The following CPXM2 variants were observed in gnomAD, a reference collection of about 807,000 sequenced individuals.
The protein encoded by CPXM2 is inactive carboxypeptidase-like protein X2.
A neutral mutation model predicts 86.1 loss-of-function variants in CPXM2; 66 were observed. That is an observed-to-expected ratio of 0.77 (90% CI 0.63 to 0.94). The LOEUF is 0.94. Among genes scored for constraint, CPXM2 ranks in the 40% least tolerant of loss-of-function variants. The pLI, the probability that CPXM2 is intolerant of heterozygous loss-of-function variation, is 0.00. For synonymous variants in CPXM2, 388 were observed against 400.2 expected (o/e 0.97, Z 0.36); for missense variants, 948 against 1,026.3 (o/e 0.92, Z 1.04).
chr10:123,790,595 G>A (rs1179524522), intron 6 of CPXM2, among the ~76,000 whole-genome samples: 1 of 152,168 alleles, frequency 6.6e-6, no homozygotes. Flanking sequence ...ACAGTAAGGG[G>A]AAGCTGCCTT....
chr10:123,843,427 G>A (rs6599625), intron 3 of CPXM2: 88,632 of 298,116 alleles, frequency 0.3, 15,481 homozygotes, highest in African/African-American at 0.54. Context: ...CTATTTCACA[G>A]AGCTATTTTT....
intron 5 of CPXM2, among the ~76,000 whole-genome samples, chr10:123,798,495 T>C (rs1176276373): frequency 6.6e-6 from 1 of 152,120 alleles, no homozygotes; most frequent in African/African-American, 2.4e-5. Context: ...TCCGTAGGGA[T>C]GAGAGGGTAT....
chr10:123,863,093 G>C (rs1590078444), intron 2 of CPXM2, among the ~76,000 whole-genome samples: 1 of 152,280 alleles, frequency 6.6e-6, no homozygotes, highest in Middle Eastern at 3.4e-3. Context: ...TATTGTGCAT[G>C]CTAATGAGCA....
At chr10:123,900,059 G>A (rs970212771) in intron 2 of CPXM2, among the ~76,000 whole-genome samples, 1 of 152,022 alleles carries the variant, frequency 6.6e-6, no homozygotes, top group Non-Finnish European at 1.5e-5. Context: ...AATTTTTTTT[G>A]GAGACGGAGT....
chr10:123,842,373 G>GTGA lies in CPXM2; in HGVS notation c.626_628dup (p.Ile209dup). 1 of 1,614,268 alleles carries GTGA rather than the reference G, an allele frequency of 6.2e-7. No homozygotes were observed. The highest frequency in any genetic ancestry group is 8.5e-7 in the Non-Finnish European group (1 of 1,180,052). On this transcript the variant is annotated inframe_insertion, in exon 4 of 14. Coordinates refer to ENST00000241305, the MANE Select transcript of CPXM2 (RefSeq NM_198148.3). ...CAGCCAGAGGGAGTTCCTCCCTTGA[G>GTGA]TGATGACACCAGTGAATCTGGTCAG...
chr10:123,882,492 G>C (rs1264506150), intron 1 of CPXM2, among the ~76,000 whole-genome samples: 1 of 152,136 alleles, frequency 6.6e-6, no homozygotes, highest in Non-Finnish European at 1.5e-5. Context: ...CATAACTTTT[G>C]ATAAGGCTGA....
intron 2 of CPXM2, among the ~76,000 whole-genome samples, chr10:123,911,361 T>G (rs1411734258): frequency 2.0e-5 from 3 of 152,084 alleles, no homozygotes; most frequent in Non-Finnish European, 2.9e-5. Context: ...TGCTAGGAAG[T>G]GCAGTCTGAG....
intron 2 of CPXM2, among the ~76,000 whole-genome samples, chr10:123,879,267 C>G (rs759064274): frequency 2.0e-5 from 3 of 152,196 alleles, no homozygotes; most frequent in Admixed American, 6.5e-5. Flanking sequence ...AACTCTGGAA[C>G]ACTGTTTATG....
intron 2 of CPXM2, among the ~76,000 whole-genome samples, chr10:123,912,392 G>T (rs1945498078): frequency 1.3e-5 from 2 of 152,052 alleles, no homozygotes; most frequent in Non-Finnish European, 2.9e-5. Flanking sequence ...AGAAAAGTGA[G>T]GCCTGTTGCA....
chr10:123,914,270 C>T (rs1408380139), intron 2 of CPXM2, among the ~76,000 whole-genome samples: 1 of 152,212 alleles, frequency 6.6e-6, no homozygotes, highest in African/African-American at 2.4e-5. Flanking sequence ...CCCGGACATT[C>T]TCCCATCTGG....
intron 6 of CPXM2, among the ~76,000 whole-genome samples, chr10:123,796,140 C>A (rs758984567): frequency 1.1e-3 from 166 of 152,334 alleles, no homozygotes; most frequent in Admixed American, 3.8e-3. Flanking sequence ...GTTCCTGCAC[C>A]AGCCCGCCAC....
chr10:123,918,268 T>C (rs922855875), intron 2 of CPXM2, among the ~76,000 whole-genome samples: 1 of 152,236 alleles, frequency 6.6e-6, no homozygotes, highest in African/African-American at 2.4e-5. Flanking sequence ...CAAGAAATTA[T>C]GACCCTTGTG....
chr10:123,929,091 G>A lies in CPXM2; in HGVS notation n.174+10386C>T, dbSNP rs182857560. The stretch of plus-strand genomic sequence containing the variant: ...GAGAAGCCAGCAGGTTTGAAGCCAG[G>A]AGACATCTGAGACCTTGTTGGGAGA... On this transcript the variant is annotated intron_variant and non_coding_transcript_variant, in intron 2 of 19. Coordinates refer to the CPXM2 transcript ENST00000368854. Among the ~76,000 whole-genome samples the A allele has an allele frequency of 2.6e-5, 4 of 152,320 alleles. No individual in the cohort carries two copies. In the East Asian group the frequency reaches 5.8e-4, roughly 22 times the overall value.
intron 4 of CPXM2, 83 bp from the exon 5 acceptor site, chr10:123,799,282 A>G: frequency 6.5e-7 from 1 of 1,539,216 alleles, no homozygotes; most frequent in Non-Finnish European, 8.9e-7. Context: ...TGAGGAGAGC[A>G]GGTGCCAGAG....
chr10:123,859,570 G>A (rs1848810052), intron 3 of CPXM2, among the ~76,000 whole-genome samples: 1 of 152,262 alleles, frequency 6.6e-6, no homozygotes, highest in African/African-American at 2.4e-5. Flanking sequence ...AGTAGGGTCA[G>A]AGCCAGAGGC....
intron 3 of CPXM2, among the ~76,000 whole-genome samples, chr10:123,852,065 G>A (rs961494024): frequency 6.6e-5 from 10 of 152,150 alleles, no homozygotes; most frequent in African/African-American, 1.4e-4. Context: ...CGGAAGGAGC[G>A]ATGCCCTGCT....
chr10:123,775,790 G>A (rs958171622), intron 7 of CPXM2, among the ~76,000 whole-genome samples: 13 of 152,142 alleles, frequency 8.5e-5, no homozygotes, highest in African/African-American at 2.2e-4. Flanking sequence ...CCCTCTGCAC[G>A]GTGGCCCTCT....
At chr10:123,770,242 C>G (rs1435913056) in intron 8 of CPXM2, among the ~76,000 whole-genome samples, 1 of 152,128 alleles carries the variant, frequency 6.6e-6, no homozygotes, top group Admixed American at 6.5e-5. Context: ...CCATTGCACT[C>G]CAGCCTGGGC....
At position 123,828,424 on chromosome 10, in the gene CPXM2, C is replaced by T. The variant is rs150822568; in HGVS notation, c.653+13925G>A. Among the ~76,000 whole-genome samples, 493 of 152,216 alleles carry T rather than the reference C, an allele frequency of 3.2e-3. 4 individuals carry two copies. The highest frequency in any genetic ancestry group is 0.014 in the Middle Eastern group (4 of 294). On this transcript the variant is annotated intron_variant, in intron 4 of 13. Transcript: ENST00000241305. ...GTGTCATGAGAGGGACCTGGTGGGACGTAATTGAATCATAGGGGCAGGTCT... is the reference window on the plus strand; with the variant it reads ...GTGTCATGAGAGGGACCTGGTGGGATGTAATTGAATCATAGGGGCAGGTCT...
Sources: gnomAD v4.1 joint callset for allele counts (sites outside exome capture counted in the v4.1 genomes callset) on GRCh38, gnomAD v4.1.1 for gene constraint, MANE v1.5 for transcripts, NCBI Gene and HGNC (gene_info 2026-07-23, HGNC 2026-07-21) for gene names.